Variants in NPTN observed in about 807,000 individuals in gnomAD.
The protein encoded by NPTN is SDR-1.
Under a neutral mutation model 42.7 loss-of-function variants are expected in NPTN, and 5 were observed. That is an observed-to-expected ratio of 0.12 (90% CI 0.06 to 0.25). NPTN has a LOEUF of 0.25. Ranked by LOEUF, NPTN falls within the 10% of genes least tolerant of loss-of-function variation. NPTN has a pLI of 1.00. For synonymous variants in NPTN, 180 were observed against 201.9 expected, an observed-to-expected ratio of 0.89 and a Z score of 0.92; for missense variants, 307 against 525.4, an observed-to-expected ratio of 0.58 and a Z score of 4.06.
chr15:73,624,828 G>T (rs1369233408), intron 1 of NPTN, among the ~76,000 whole-genome samples: 1 of 152,134 alleles, frequency 6.6e-6, no homozygotes, highest in Non-Finnish European at 1.5e-5. Context: ...CAGGAATAAG[G>T]AACACAAGGT....
intron 1 of NPTN, among the ~76,000 whole-genome samples, chr15:73,629,030 G>A (rs1429247019): frequency 6.6e-6 from 1 of 152,144 alleles, no homozygotes; most frequent in East Asian, 1.9e-4. Flanking sequence ...ATATTCACAA[G>A]TTAAGCTCTA....
At chr15:73,590,632 G>T (rs1032577561) in intron 3 of NPTN, among the ~76,000 whole-genome samples, 44 of 151,022 alleles carry the variant, frequency 2.9e-4, no homozygotes, top group African/African-American at 1.0e-3. Context: ...AAAATTACCC[G>T]GGTGTGGTGG....
chr15:73,633,218 T>C lies in NPTN; in HGVS notation c.-3A>G. The C allele has an allele frequency of 2.1e-6, 3 of 1,453,216 alleles. No homozygotes were observed. Among genetic ancestry groups the C allele is most frequent in the South Asian group, 1.3e-5 (1 of 79,744 alleles). 90.0% of individuals were successfully genotyped at this position (1,453,216 alleles called of 1,614,324 possible). A position where few individuals can be genotyped will look rare whatever the true frequency, so the allele number is the denominator to read the frequency against. On this transcript the variant is annotated 5_prime_UTR_variant, in exon 1 of 9. Coordinates refer to ENST00000345330, the MANE Select transcript of NPTN (RefSeq NM_012428.4). ...CTGGGCAGCGACGAACCCGACATCC[T>C]CCCTAGCAGAAGACCCAACAGCGAA...
intron 4 of NPTN, among the ~76,000 whole-genome samples, chr15:73,580,565 CAT>C (rs1262868383): frequency 2.3e-5 from 3 of 128,800 alleles, no homozygotes; most frequent in South Asian, 4.7e-4. Context: ...TATGTATATA[CAT>C]GTTATATATG....
chr15:73,572,157 T>C (rs540858718), intron 5 of NPTN, among the ~76,000 whole-genome samples: 3 of 152,304 alleles, frequency 2.0e-5, no homozygotes, highest in South Asian at 4.1e-4. Context: ...CAAGATGTCA[T>C]GAAGTAGGAA....
chr15:73,618,032 C>G (rs1013371795), intron 1 of NPTN, among the ~76,000 whole-genome samples: 2 of 152,210 alleles, frequency 1.3e-5, no homozygotes, highest in Non-Finnish European at 2.9e-5. Context: ...CATGGGCAGA[C>G]ATTTCGTTTC....
chr15:73,601,688 C>A (rs1311300120), intron 1 of NPTN, among the ~76,000 whole-genome samples: 1 of 152,212 alleles, frequency 6.6e-6, no homozygotes, highest in Non-Finnish European at 1.5e-5. Context: ...CTACCCCACC[C>A]TCTTCCCCAC....
At chr15:73,590,904 A>AT (rs989514872) in intron 3 of NPTN, among the ~76,000 whole-genome samples, 63 of 149,232 alleles carry the variant, frequency 4.2e-4, no homozygotes, top group East Asian at 3.1e-3. Flanking sequence ...TAAATTTCTA[A>AT]TTTTTTTTTT....
intron 1 of NPTN, among the ~76,000 whole-genome samples, chr15:73,615,180 A>T (rs1338847779): frequency 2.0e-5 from 3 of 150,970 alleles, no homozygotes; most frequent in African/African-American, 7.3e-5. Flanking sequence ...TTTTAAAGAT[A>T]ATCTTGAAGA....
intron 1 of NPTN, among the ~76,000 whole-genome samples, chr15:73,605,095 C>T: frequency 7.6e-6 from 1 of 132,026 alleles, no homozygotes. Context: ...GAGACCCTGT[C>T]TCAAGGGGGG....
chr15:73,567,989 T>C, intron 6 of NPTN: 1 of 985,456 alleles, frequency 1.0e-6, no homozygotes. Context: ...TCACTGTCTA[T>C]AATAACTTAG....
intron 1 of NPTN, chr15:73,632,821 C>A: frequency 3.2e-6 from 1 of 315,600 alleles, no homozygotes; most frequent in Non-Finnish European, 5.8e-6. Context: ...TCCAGCTCCC[C>A]ACGTCGGCTT....
intron 1 of NPTN, among the ~76,000 whole-genome samples, chr15:73,622,768 C>T (rs1008846957): frequency 1.3e-5 from 2 of 152,190 alleles, no homozygotes; most frequent in African/African-American, 4.8e-5. Context: ...CACCAAATTA[C>T]AAGGCTGTCT....
In NPTN at chr15:73,570,248, G is replaced by A. The variant is rs2141359269; in HGVS notation, c.1016C>T (p.Pro339Leu). ...CAGAATTCCCAAGAAAGGCCAGAGT[G>A]GGGCCAGGTGGCTCCGCACCCTGAG... ...TVLRVRSHLA[P>L]LWPFLGILAE... The change falls in exon 6 of 9, where the codon CCA becomes CTA. Residue 339 changes from proline (P) to leucine (L), a missense_variant. Physicochemically the swap from Pro to Leu is moderately conservative, Grantham distance 98. Around this residue, in one of 2 missense-constraint regions of NPTN, gnomAD observed 264 missense variants for 491.1 expected, o/e 0.54. Transcript: ENST00000345330. The surrounding 1 kb of genome is among the most constrained non-coding windows in gnomAD (Gnocchi z 4.0). 6.2e-7 allele frequency: 1 copy of A among 1,614,132 alleles called. No individual in the cohort carries two copies. The highest frequency in any genetic ancestry group is 8.5e-7 in the Non-Finnish European group (1 of 1,180,026).
chr15:73,596,568 G>A (rs1427414076), intron 2 of NPTN, among the ~76,000 whole-genome samples: 1 of 152,160 alleles, frequency 6.6e-6, no homozygotes, highest in Admixed American at 6.5e-5. Flanking sequence ...AACAAAAATA[G>A]AAAGGCACCA....
intron 4 of NPTN, among the ~76,000 whole-genome samples, chr15:73,580,418 TATAA>T (rs1265622109): frequency 1.7e-5 from 2 of 117,758 alleles, no homozygotes; most frequent in African/African-American, 3.2e-5. Flanking sequence ...ATAATATATA[TATAA>T]TATATATATA....
intron 1 of NPTN, among the ~76,000 whole-genome samples, chr15:73,622,583 T>G (rs575726883): frequency 6.7e-6 from 1 of 149,732 alleles, no homozygotes; most frequent in Admixed American, 6.7e-5. Flanking sequence ...ATGAAAAAAA[T>G]TACTGTCAGA....
chr15:73,631,905 C>G (rs1471786698), intron 1 of NPTN, among the ~76,000 whole-genome samples: 1 of 152,218 alleles, frequency 6.6e-6, no homozygotes, highest in Non-Finnish European at 1.5e-5. Context: ...TTCCCCACCA[C>G]TTCTCCATCT....
intron 2 of NPTN, among the ~76,000 whole-genome samples, chr15:73,594,736 C>T (rs1033082435): frequency 1.3e-5 from 2 of 152,112 alleles, no homozygotes; most frequent in South Asian, 2.1e-4. Context: ...ACCCTTACCC[C>T]AGCCATCATG....
Sources: allele counts gnomAD v4.1 joint callset (sites outside exome capture counted in the v4.1 genomes callset), GRCh38; gene constraint gnomAD v4.1.1; regional missense constraint gnomAD v4.1.1; non-coding constraint Gnocchi (gnomAD v3.1); transcripts MANE v1.5; gene names NCBI Gene and HGNC (gene_info 2026-07-23, HGNC 2026-07-21).